Variants in IRAK3 observed in about 807,000 individuals in gnomAD.
IRAK3 encodes interleukin 1 receptor associated kinase 3.
Under a neutral mutation model 56.6 loss-of-function variants are expected in IRAK3, and 57 were observed. The observed-to-expected ratio is 1.01, with a 90% CI of 0.81 to 1.26. IRAK3 has a LOEUF of 1.26. Ranked by LOEUF, IRAK3 falls within the 50% of genes most tolerant of loss-of-function variation. The pLI, the probability that IRAK3 is intolerant of heterozygous loss-of-function variation, is 0.00. For missense variants in IRAK3, 703 were observed against 719.0 expected (o/e 0.98, Z 0.25); for synonymous variants, 258 against 255.7 (o/e 1.01, Z -0.09).
chr12:66,204,784 A>G (rs199760048), intron 2 of IRAK3, among the ~76,000 whole-genome samples: 7,305 of 57,828 alleles, frequency 0.13, 370 homozygotes, highest in African/African-American at 0.35. Flanking sequence ...TTGCGCACAC[A>G]CACACACACA....
chr12:66,235,333 G>T, intron 8 of IRAK3: 1 of 1,045,804 alleles, frequency 9.6e-7, no homozygotes, highest in Non-Finnish European at 1.2e-6. Context: ...CAGCCTGGGC[G>T]CGGGGCAGCC....
chr12:66,218,190 G>A (rs2052696993), intron 6 of IRAK3, among the ~76,000 whole-genome samples: 1 of 152,038 alleles, frequency 6.6e-6, no homozygotes, highest in Non-Finnish European at 1.5e-5. Context: ...TTGTGTGTAG[G>A]CAAATATGTA....
At chr12:66,190,838 G>T (rs757265854) in intron 1 of IRAK3, among the ~76,000 whole-genome samples, 1 of 152,060 alleles carries the variant, frequency 6.6e-6, no homozygotes, top group Non-Finnish European at 1.5e-5. Flanking sequence ...TGGATCCAAG[G>T]CTTATGTCCT....
At chr12:66,193,237 T>A (rs1419250315) in intron 1 of IRAK3, among the ~76,000 whole-genome samples, 1 of 152,148 alleles carries the variant, frequency 6.6e-6, no homozygotes, top group Non-Finnish European at 1.5e-5. Context: ...GGTCTCGAAC[T>A]CCCGACCTCA....
At chr12:66,226,905 G>A (rs1208751381) in intron 7 of IRAK3, 68 bp downstream of exon 7, 28 of 967,082 alleles carry the variant, frequency 2.9e-5, no homozygotes, top group African/African-American at 4.8e-5. Context: ...TGCTGAAACC[G>A]TCTGGGAGAG....
chr12:66,225,228 G>A (rs2052773492), intron 6 of IRAK3, among the ~76,000 whole-genome samples: 1 of 152,018 alleles, frequency 6.6e-6, no homozygotes, highest in African/African-American at 2.4e-5. Flanking sequence ...GGTATACACC[G>A]ACTGTGAAAT....
Position 66,244,607 on chromosome 12 carries a change from C to T in IRAK3, c.1009C>T (p.His337Tyr), listed in dbSNP as rs771105562. ...TINMTSSSSK[H>Y]LWYMPEEYIR... ...AAATATGACCAGCAGCAGCAGTAAA[C>T]ATCTGTGGTACATGCCAGAAGAGTA... Residue 337 changes from histidine (H) to tyrosine (Y), a missense_variant, in exon 9 of 12, where the codon CAT becomes TAT. Coordinates refer to ENST00000261233, the MANE Select transcript of IRAK3 (RefSeq NM_007199.3). The T allele has an allele frequency of 2.5e-6, 4 of 1,613,856 alleles. No homozygotes were observed. The highest frequency in any genetic ancestry group is 4.5e-5 in the East Asian group (2 of 44,882).
At chr12:66,214,565 A>AAAACC (rs1555203413) in intron 5 of IRAK3, among the ~76,000 whole-genome samples, 1 of 151,918 alleles carries the variant, frequency 6.6e-6, no homozygotes, top group East Asian at 1.9e-4. Context: ...AAAACAAAAC[A>AAAACC]AAACCACCAG....
chr12:66,208,743 A>G (rs2052582620), intron 2 of IRAK3, among the ~76,000 whole-genome samples: 1 of 148,548 alleles, frequency 6.7e-6, no homozygotes, highest in Non-Finnish European at 1.5e-5. Context: ...CCTGGGTGAC[A>G]GAGCGAGACT....
chr12:66,231,901 C>T (rs1592596726), intron 8 of IRAK3, among the ~76,000 whole-genome samples: 1 of 152,150 alleles, frequency 6.6e-6, no homozygotes, highest in South Asian at 2.1e-4. Flanking sequence ...AAGTCTGCAG[C>T]TTGTCTAGGA....
At chr12:66,233,489 G>A (rs2052866490) in intron 8 of IRAK3, among the ~76,000 whole-genome samples, 1 of 150,274 alleles carries the variant, frequency 6.7e-6, no homozygotes, top group African/African-American at 2.4e-5. Context: ...CTGCACTCCA[G>A]CCTGGGCGAC....
At chr12:66,234,510 T>C (rs552892184) in intron 8 of IRAK3, 2 of 1,611,956 alleles carry the variant, frequency 1.2e-6, no homozygotes, top group Non-Finnish European at 1.7e-6. Flanking sequence ...GCAGCTGTAG[T>C]TGGGTCGTAA....
chr12:66,242,120 C>T (rs971793815), intron 8 of IRAK3, among the ~76,000 whole-genome samples: 3 of 152,126 alleles, frequency 2.0e-5, no homozygotes, highest in African/African-American at 7.2e-5. Context: ...CATTGAATAT[C>T]TGCCATTCAG....
chr12:66,228,399 C>G (rs773471189), intron 8 of IRAK3, 29 bp downstream of exon 8: 1 of 1,453,892 alleles, frequency 6.9e-7, no homozygotes, highest in African/African-American at 1.4e-5. Flanking sequence ...TTTGGTTATA[C>G]CTGAAAGCTT....
At chr12:66,196,842 G>A (rs771499681) in intron 1 of IRAK3, 1 of 1,453,936 alleles carries the variant, frequency 6.9e-7, no homozygotes, top group East Asian at 2.6e-5. Flanking sequence ...TGCATGCTTT[G>A]TAGAAAGAAA....
At chr12:66,201,353 G>T (rs905401592) in intron 1 of IRAK3, among the ~76,000 whole-genome samples, 1 of 152,102 alleles carries the variant, frequency 6.6e-6, no homozygotes. Context: ...GTGTGTCAGG[G>T]GTCCCCCGTG....
Position 66,245,038 on chromosome 12 carries a change from A to G in IRAK3, c.1149+28A>G, listed in dbSNP as rs771578298. 4 of 1,613,734 alleles carry G rather than the reference A, an allele frequency of 2.5e-6. No individual in the cohort carries two copies. In the South Asian group the frequency reaches 4.4e-5, roughly 18 times the overall value. Reference sequence around the variant, plus strand: ...AAGAATTGTTTTCATCCTGGCACCTATCTCTTGGTCATTTTTTGATCAAGT... The same window carrying G: ...AAGAATTGTTTTCATCCTGGCACCTGTCTCTTGGTCATTTTTTGATCAAGT... On this transcript the variant is annotated intron_variant, in intron 10 of 11. Coordinates refer to ENST00000261233, the MANE Select transcript of IRAK3 (RefSeq NM_007199.3).
At chr12:66,215,786 GCACACACACA>G (rs71096080) in intron 5 of IRAK3, among the ~76,000 whole-genome samples, 1,259 of 122,878 alleles carry the variant, frequency 0.01, 9 homozygotes, top group Non-Finnish European at 0.017. Context: ...AACCCAACAT[GCACACACACA>G]CACACACACA....
At chr12:66,234,007 A>G in intron 8 of IRAK3, 1 of 1,546,230 alleles carries the variant, frequency 6.5e-7, no homozygotes, top group Non-Finnish European at 8.9e-7. Flanking sequence ...TTGATCAGAA[A>G]AATCCATGAT....
Sources: allele counts gnomAD v4.1 joint callset (sites outside exome capture counted in the v4.1 genomes callset), GRCh38; gene constraint gnomAD v4.1.1; transcripts MANE v1.5; gene names NCBI Gene and HGNC (gene_info 2026-07-23, HGNC 2026-07-21).